The following FBXW10 variants were observed in gnomAD, a reference collection of about 807,000 sequenced individuals.
FBXW10 encodes the protein F-box and WD repeat domain containing 10.
A neutral mutation model predicts 113.1 loss-of-function variants in FBXW10; 68 were observed. The observed-to-expected ratio is 0.60, with a 90% CI of 0.49 to 0.74. The LOEUF (loss-of-function observed/expected upper bound fraction) is 0.74, where lower values mean the gene tolerates loss of function less well. Ranked by LOEUF, FBXW10 falls within the 30% of genes least tolerant of loss-of-function variation. FBXW10 has a pLI of 0.00. For synonymous variants in FBXW10, 289 were observed against 481.6 expected, an observed-to-expected ratio of 0.60 and a Z score of 5.24; for missense variants, 753 against 1,284.5, an observed-to-expected ratio of 0.59 and a Z score of 6.32.
intron 1 of FBXW10, among the ~76,000 whole-genome samples, chr17:18,746,225 A>G (rs2151783921): frequency 6.6e-6 from 1 of 152,324 alleles, no homozygotes. Context: ...ATCAAGCCTT[A>G]CTTCCAGCAC....
intron 11 of FBXW10, among the ~76,000 whole-genome samples, chr17:18,770,450 C>T (rs1271892395): frequency 1.3e-5 from 2 of 151,968 alleles, no homozygotes; most frequent in African/African-American, 4.8e-5. Flanking sequence ...TTACAGGCGC[C>T]CACCAGTATG....
chr17:18,745,136 T>C (rs909664838), intron 1 of FBXW10: 1 of 1,080,702 alleles, frequency 9.3e-7, no homozygotes, highest in Non-Finnish European at 1.1e-6. Flanking sequence ...CTTTTGTTTT[T>C]CTCTTCAGCT....
At chr17:18,775,982 A>G (rs906073326) in intron 13 of FBXW10, among the ~76,000 whole-genome samples, 1 of 151,438 alleles carries the variant, frequency 6.6e-6, no homozygotes, top group Admixed American at 6.6e-5. Flanking sequence ...CTATGATTGC[A>G]CCACTGGGTG....
intron 1 of FBXW10, 97 bp downstream of exon 1, chr17:18,744,846 T>C: frequency 6.5e-7 from 1 of 1,545,278 alleles, no homozygotes; most frequent in Non-Finnish European, 8.7e-7. Flanking sequence ...ACAACATAGG[T>C]AGACAGAGAT....
intron 13 of FBXW10, among the ~76,000 whole-genome samples, chr17:18,775,398 G>A (rs1394465707): frequency 1.3e-5 from 2 of 152,174 alleles, no homozygotes; most frequent in Non-Finnish European, 2.9e-5. Context: ...TGAGAAACTG[G>A]AATGAATACA....
intron 12 of FBXW10, among the ~76,000 whole-genome samples, chr17:18,774,652 C>T (rs776854482): frequency 4.0e-5 from 6 of 151,878 alleles, no homozygotes; most frequent in Non-Finnish European, 5.9e-5. Flanking sequence ...AAAAATTAGC[C>T]GGTGTGGTGG....
Position 18,770,114 on chromosome 17 carries a change from G to A in FBXW10, c.2006+29G>A, listed in dbSNP as rs371268851. 3.0e-4 allele frequency: 480 copies of A among 1,610,458 alleles called. 2 individuals are homozygous for A. Among genetic ancestry groups the A allele is most frequent in the South Asian group, 2.9e-4 (26 of 90,556 alleles). ...GGTGGTAGGTGTGGAGGTCAGAACT[G>A]TGAGTGATTCTGTTGGATTTTTTGA... On this transcript the variant is annotated intron_variant, in intron 11 of 13. Transcript: ENST00000395665.
chr17:18,752,648 G>A (rs1005310102), intron 5 of FBXW10, among the ~76,000 whole-genome samples: 11 of 151,560 alleles, frequency 7.3e-5, no homozygotes, highest in African/African-American at 2.7e-4. Flanking sequence ...GGGAGGCAGA[G>A]CTTGCAGTGA....
At chr17:18,753,598 C>T (rs907041181) in intron 5 of FBXW10, among the ~76,000 whole-genome samples, 7 of 152,066 alleles carry the variant, frequency 4.6e-5, no homozygotes, top group African/African-American at 1.4e-4. Context: ...AGGGGCCAGG[C>T]GCAGTGGCTC....
rs561038138 is a variant in FBXW10, at chr17:18,765,857, G to A, written c.1556-857G>A. Among the ~76,000 whole-genome samples the A allele has an allele frequency of 2.4e-4, 37 of 152,000 alleles. 1 individual carries two copies. In the East Asian group the frequency reaches 3.9e-3, roughly 16 times the overall value. On this transcript the variant is annotated intron_variant, in intron 8 of 13. Coordinates refer to ENST00000395665, the MANE Select transcript of FBXW10 (RefSeq NM_001267585.2). ...TTCTCCTGCCTCAGCCTCCCGAGTA[G>A]CTGGGACTACAGTCGCACGCCACCA...
At position 18,768,521 on chromosome 17, in the gene FBXW10, T is replaced by G. The variant is rs373606674; in HGVS notation, c.1705-13T>G. On this transcript the variant is annotated splice_polypyrimidine_tract_variant and intron_variant, in intron 9 of 13. Transcript: ENST00000395665. ...ACAGTCTGAGTTGAAGACAGTGGTATCTTTTCTTGCAGACTCTCAGTGGCC... is the reference window on the plus strand; with the variant it reads ...ACAGTCTGAGTTGAAGACAGTGGTAGCTTTTCTTGCAGACTCTCAGTGGCC... 9 of 1,613,742 alleles carry G rather than the reference T, an allele frequency of 5.6e-6. No homozygotes were observed. The highest frequency in any genetic ancestry group is 1.3e-5 in the African/African-American group (1 of 74,858).
chr17:18,747,654 C>A (rs940578985), intron 1 of FBXW10, among the ~76,000 whole-genome samples: 1 of 152,030 alleles, frequency 6.6e-6, no homozygotes, highest in African/African-American at 2.4e-5. Flanking sequence ...CTTGAGCTTC[C>A]GAAGAGCATT....
intron 1 of FBXW10, 49 bp downstream of exon 1, chr17:18,744,798 G>T (rs370158560): frequency 3.8e-6 from 6 of 1,585,810 alleles, no homozygotes; most frequent in Middle Eastern, 1.7e-4. Flanking sequence ...AGACCAGAAG[G>T]CAAGGCTTCA....
Position 18,748,056 on chromosome 17 carries a change from G to C in FBXW10, c.621G>C (p.Leu207Phe), listed in dbSNP as rs1282299126. 6.2e-7 allele frequency: 1 copy of C among 1,613,742 alleles called. No homozygotes were observed. Among genetic ancestry groups the C allele is most frequent in the Admixed American group, 1.7e-5 (1 of 60,000 alleles). ...AAACTCAGCACACATCCCTTCCTTT[G>C]TCCAAAGCCCCAGAAAATGAACACT... The part of the protein sequence containing the change: ...TAKTQHTSLP[L>F]SKAPENEHLL... Residue 207 changes from leucine to phenylalanine, a missense_variant, in exon 2 of 14, where the codon TTG becomes TTC. Transcript: ENST00000395665.
At chr17:18,762,048 C>T (rs1166386975) in intron 7 of FBXW10, among the ~76,000 whole-genome samples, 18 of 151,922 alleles carry the variant, frequency 1.2e-4, no homozygotes, top group Non-Finnish European at 1.6e-4. Flanking sequence ...CTGCCAGCTC[C>T]GCCTCCTGGG....
rs2035582760 is a variant in FBXW10, at chr17:18,770,020, T to C, written c.1941T>C (p.Cys647=). 1.9e-6 allele frequency: 3 copies of C among 1,614,166 alleles called. No individual in the cohort carries two copies. The highest frequency in any genetic ancestry group is 2.5e-6 in the Non-Finnish European group (3 of 1,180,032). The change falls in exon 11 of 14, where the codon TGT becomes TGC. Residue 647 remains cysteine (C), a synonymous_variant. Transcript: ENST00000395665. The part of the protein sequence containing the change: ...IRIYNFLNGN[C]MKVLKANGRG... ...TTTACAATTTCCTCAACGGGAACTG[T>C]ATGAAGGTGTTAAAAGCCAATGGCA...
intron 11 of FBXW10, among the ~76,000 whole-genome samples, chr17:18,770,928 A>G (rs536508261): frequency 1.5e-4 from 23 of 152,104 alleles, no homozygotes; most frequent in African/African-American, 5.5e-4. Context: ...TATTATATGA[A>G]AATAACCAAA....
At chr17:18,745,803 G>A (rs778009785) in intron 1 of FBXW10, among the ~76,000 whole-genome samples, 10 of 152,334 alleles carry the variant, frequency 6.6e-5, no homozygotes, top group Non-Finnish European at 1.0e-4. Flanking sequence ...CTAGGGTGTT[G>A]GAGAATCTTG....
intron 10 of FBXW10, 51 bp from the exon 11 acceptor site, chr17:18,769,876 C>A (rs778714457): frequency 2.5e-6 from 4 of 1,592,932 alleles, no homozygotes; most frequent in Non-Finnish European, 3.4e-6. Context: ...CAAACAAACC[C>A]AGGCATTTTA....
Sources: allele counts gnomAD v4.1 joint callset (sites outside exome capture counted in the v4.1 genomes callset), GRCh38; gene constraint gnomAD v4.1.1; transcripts MANE v1.5; gene names NCBI Gene and HGNC (gene_info 2026-07-23, HGNC 2026-07-21).